Variants in ACTN1 observed in about 807,000 individuals in gnomAD.
The protein encoded by ACTN1 is actinin alpha 1, also known as alpha-actinin-1.
A neutral mutation model predicts 119.6 loss-of-function variants in ACTN1; 30 were observed. The ratio of observed to expected loss-of-function variants is 0.25; its 90% confidence interval spans 0.19 to 0.34. The LOEUF is 0.34. ACTN1 is among the 10% of genes least tolerant of loss of function. The pLI is 1.00. For missense variants in ACTN1, 764 were observed against 1,223.4 expected (o/e 0.62, Z 5.60); for synonymous variants, 429 against 472.6 (o/e 0.91, Z 1.20).
rs387907348 is a variant in ACTN1, at chr14:68,925,641, C to T, written c.137G>A (p.Arg46Gln). 4 of 1,613,062 alleles carry T rather than the reference C, an allele frequency of 2.5e-6. No homozygotes were observed. The highest frequency in any genetic ancestry group is 3.4e-6 in the Non-Finnish European group (4 of 1,179,498). The change falls in exon 2 of 22, where the codon CGG becomes CAG. Residue 46 changes from arginine (R) to glutamine (Q), a missense_variant. This residue lies in a region of ACTN1 where 64 missense variants were observed against 80.0 expected (regional missense o/e 0.80). Coordinates refer to ENST00000394419, the MANE Select transcript of ACTN1 (RefSeq NM_001130004.2). This position sits in a 1 kb window ranked among gnomAD's most constrained non-coding sequence, Gnocchi z 4.3. ...TFTAWCNSHL[R>Q]KAGTQIENIE... is the part of the protein sequence containing the mutation. ...GTTCTCGATCTGTGTCCCCGCCTTCCGGAGGTGGGAGTTACACCATGCCGT... is the reference window on the plus strand; with the variant it reads ...GTTCTCGATCTGTGTCCCCGCCTTCTGGAGGTGGGAGTTACACCATGCCGT...
At chr14:68,913,734 C>T (rs993083805) in intron 3 of ACTN1, among the ~76,000 whole-genome samples, 4 of 152,166 alleles carry the variant, frequency 2.6e-5, no homozygotes, top group African/African-American at 9.7e-5. Flanking sequence ...AGGATGTAAC[C>T]CTTCTTGTAA....
At chr14:68,950,455 C>CATGTGTGT (rs141940950) in intron 1 of ACTN1, among the ~76,000 whole-genome samples, 31 of 137,672 alleles carry the variant, frequency 2.3e-4, no homozygotes, top group African/African-American at 4.1e-4. Flanking sequence ...AATATATATG[C>CATGTGTGT]GTGTGTGTAT....
In ACTN1 at chr14:68,969,346, C is replaced by T. The variant is rs543612682; in HGVS notation, c.105+9606G>A. Among the ~76,000 whole-genome samples the T allele has an allele frequency of 1.2e-4, 19 of 152,298 alleles. No homozygotes were observed. In the East Asian group the frequency reaches 3.7e-3, roughly 29 times the overall value. On this transcript the variant is annotated intron_variant, in intron 1 of 21. Transcript: ENST00000394419. ...AAGGACAGGAAACCAGGGGTCTGGCCCCATTTCCCTGCCTCCAGGAAAACA... is the reference window on the plus strand; with the variant it reads ...AAGGACAGGAAACCAGGGGTCTGGCTCCATTTCCCTGCCTCCAGGAAAACA...
chr14:68,887,846 A>G lies in ACTN1; in HGVS notation c.1235-2271T>C, dbSNP rs2032148067. On this transcript the variant is annotated intron_variant, in intron 11 of 21. Coordinates refer to ENST00000394419, the MANE Select transcript of ACTN1 (RefSeq NM_001130004.2). ...AGAGGCTGGACTCTCCTCACTTTTC[A>G]TTTCCCCGTTTTCTGCAGGTAAATC... 2.0e-5 allele frequency: 17 copies of G among 842,430 alleles called. 1 individual carries two copies. Among genetic ancestry groups the G allele is most frequent in the Non-Finnish European group, 3.1e-5 (15 of 481,266 alleles). The allele number at this position is 842,430 out of a possible 1,614,324, so 52.2% of individuals were successfully genotyped here.
Position 68,877,149 on chromosome 14 carries a change from CG to C in ACTN1, c.2518del (p.Arg840AlafsTer127). ...TGCTGTATCTGTGTCGGCTGTCTCG[CG>C]GGACATGAAGTCAATGAAGGCCTGG... ...TFQAFIDFMS[R>X]ETADTDTADQ... On this transcript the variant is annotated frameshift_variant, in exon 21 of 22. Coordinates refer to ENST00000394419, the MANE Select transcript of ACTN1 (RefSeq NM_001130004.2). LOFTEE classifies it high-confidence loss of function. The C allele has an allele frequency of 6.2e-7, 1 of 1,614,174 alleles. No individual in the cohort carries two copies. Among genetic ancestry groups the C allele is most frequent in the Non-Finnish European group, 8.5e-7 (1 of 1,180,024 alleles).
At chr14:68,967,109 C>A (rs1457841550) in intron 1 of ACTN1, among the ~76,000 whole-genome samples, 1 of 152,200 alleles carries the variant, frequency 6.6e-6, no homozygotes, top group Non-Finnish European at 1.5e-5. Flanking sequence ...TAGGCTATGA[C>A]CCCATCCCAA....
Position 68,878,302 on chromosome 14 carries a change from G to A in ACTN1, c.2427+156C>T, listed in dbSNP as rs896832675. On this transcript the variant is annotated intron_variant, in intron 20 of 21. Transcript: ENST00000394419. The surrounding 1 kb of genome is among the most constrained non-coding windows in gnomAD (Gnocchi z 4.4). ...ACGCCCGTGGCCGGGCCGGCTTTCA[G>A]GGAGCCATCTTCCCCAAGGACATGG... The A allele has an allele frequency of 6.7e-5, 78 of 1,162,178 alleles. No homozygotes were observed. Among genetic ancestry groups the A allele is most frequent in the Non-Finnish European group, 7.9e-5 (68 of 857,678 alleles). 72.0% of individuals were successfully genotyped at this position (1,162,178 alleles called of 1,614,324 possible). A position where few individuals can be genotyped will look rare whatever the true frequency, so the allele number is the denominator to read the frequency against.
rs1036708352 is a variant in ACTN1, at chr14:68,961,906, G to A, written c.105+17046C>T. On this transcript the variant is annotated intron_variant, in intron 1 of 21. Coordinates refer to ENST00000394419, the MANE Select transcript of ACTN1 (RefSeq NM_001130004.2). ...ACCTCCAGAAACTACCCCCACGCCC[G>A]ACCGACAGGCATTCACACCCACCCA... Among the ~76,000 whole-genome samples the A allele has an allele frequency of 5.9e-5, 9 of 152,142 alleles. No homozygotes were observed. The South Asian group carries it at 6.2e-4, about 11-fold the overall frequency.
At position 68,978,952 on chromosome 14, in the gene ACTN1, C is replaced by T; in HGVS notation, c.105G>A (p.Lys35=). 1 of 1,564,638 alleles carries T rather than the reference C, an allele frequency of 6.4e-7. No individual in the cohort carries two copies. The highest frequency in any genetic ancestry group is 1.4e-5 in the African/African-American group (1 of 71,142). The part of the protein sequence containing the change: ...LDPAWEKQQR[K]TFTAWCNSHL... ...GCAGCGGGCGGGGGCGGCTGCTAAC[C>T]TTTCTCTGCTGCTTCTCCCAGGCCG... Residue 35 remains lysine, a splice_region_variant and synonymous_variant, in exon 1 of 22, where the codon AAG becomes AAA. Transcript: ENST00000394419.
chr14:68,882,288 C>T lies in ACTN1; in HGVS notation c.1953+170G>A, dbSNP rs973689477. Among the ~76,000 whole-genome samples, 5 of 152,252 alleles carry T rather than the reference C, an allele frequency of 3.3e-5. No individual in the cohort carries two copies. The South Asian group carries it at 1.0e-3, about 32-fold the overall frequency. ...CCCAAATCAGATACTGCCAGCAGGGCTTCTTCACATAGGCCCCCATAGCCT... is the reference window on the plus strand; with the variant it reads ...CCCAAATCAGATACTGCCAGCAGGGTTTCTTCACATAGGCCCCCATAGCCT... On this transcript the variant is annotated intron_variant, in intron 16 of 21. Transcript: ENST00000394419. The surrounding 1 kb of genome is among the most constrained non-coding windows in gnomAD (Gnocchi z 4.5).
chr14:68,950,074 T>A (rs543534837), intron 1 of ACTN1, among the ~76,000 whole-genome samples: 1 of 152,176 alleles, frequency 6.6e-6, no homozygotes, highest in East Asian at 1.9e-4. Context: ...GGTGGGCGGA[T>A]CACAAGGTCA....
At chr14:68,926,022 A>G (rs1001228229) in intron 1 of ACTN1, among the ~76,000 whole-genome samples, 2 of 152,248 alleles carry the variant, frequency 1.3e-5, no homozygotes, top group African/African-American at 4.8e-5. Flanking sequence ...CTTAAGTTAT[A>G]AGACTTAGTT....
chr14:68,897,722 C>A (rs988599305), intron 8 of ACTN1, among the ~76,000 whole-genome samples: 1 of 152,224 alleles, frequency 6.6e-6, no homozygotes, highest in Non-Finnish European at 1.5e-5. Context: ...TCCCTCTGTC[C>A]GGAGTCAGCC....
rs202043038 is a variant in ACTN1, at chr14:68,945,177, AG to A, written c.106-19506del. On this transcript the variant is annotated intron_variant, in intron 1 of 21. Coordinates refer to ENST00000394419, the MANE Select transcript of ACTN1 (RefSeq NM_001130004.2). ...AGACTCCGGTTCAAAAAAAAAAAAA[AG>A]AAAGAAAGAAAGAAAGAAAAGAAGA... is the stretch of plus-strand genomic sequence containing the variant. Among the ~76,000 whole-genome samples the A allele has an allele frequency of 1.5e-3, 224 of 147,398 alleles. 1 individual carries two copies. Among genetic ancestry groups the A allele is most frequent in the African/African-American group, 5.6e-3 (217 of 38,720 alleles).
intron 13 of ACTN1, among the ~76,000 whole-genome samples, 189 bp downstream of exon 13, chr14:68,884,586 G>A (rs2031840089): frequency 6.6e-6 from 1 of 152,252 alleles, no homozygotes; most frequent in Non-Finnish European, 1.5e-5. Flanking sequence ...GGGCAAGAGA[G>A]GAGGCATCGC....
chr14:68,978,824 C>T (rs2037161944), intron 1 of ACTN1, 128 bp downstream of exon 1: 1 of 547,070 alleles, frequency 1.8e-6, no homozygotes, highest in Non-Finnish European at 3.0e-6. Flanking sequence ...ACGGCCGCAC[C>T]GCCCCCGCCC....
intron 1 of ACTN1, among the ~76,000 whole-genome samples, chr14:68,966,342 T>C (rs969460504): frequency 6.6e-6 from 1 of 152,202 alleles, no homozygotes. Context: ...CTGCATGTGA[T>C]AATCCAAGTA....
chr14:68,888,775 G>C (rs112096640), intron 11 of ACTN1, among the ~76,000 whole-genome samples: 16,127 of 152,132 alleles, frequency 0.11, 1,063 homozygotes, highest in African/African-American at 0.18. Flanking sequence ...CTGCGCATGC[G>C]AGGGATCTAG....
chr14:68,878,949 G>A lies in ACTN1; in HGVS notation c.2361+40C>T. The A allele has an allele frequency of 1.9e-6, 3 of 1,612,774 alleles. No individual in the cohort carries two copies. The highest frequency in any genetic ancestry group is 2.5e-6 in the Non-Finnish European group (3 of 1,179,732). On this transcript the variant is annotated intron_variant, in intron 19 of 21. Coordinates refer to ENST00000394419, the MANE Select transcript of ACTN1 (RefSeq NM_001130004.2). The surrounding 1 kb of genome is among the most constrained non-coding windows in gnomAD (Gnocchi z 4.4). ...GAAAAACGCATTATTTCTTGCCCCAGACGCCACCCCTGAGCGTGCTCCATG... is the reference window on the plus strand; with the variant it reads ...GAAAAACGCATTATTTCTTGCCCCAAACGCCACCCCTGAGCGTGCTCCATG...
Sources: allele counts gnomAD v4.1 joint callset (sites outside exome capture counted in the v4.1 genomes callset), GRCh38; gene constraint gnomAD v4.1.1; regional missense constraint gnomAD v4.1.1; non-coding constraint Gnocchi (gnomAD v3.1); transcripts MANE v1.5; gene names NCBI Gene and HGNC (gene_info 2026-07-23, HGNC 2026-07-21).